HERC5: variants seen among roughly 807,000 people sequenced by gnomAD.
HERC5 encodes the protein E3 ISG15--protein ligase HERC5.
Under a neutral mutation model 119.6 loss-of-function variants are expected in HERC5, and 99 were observed. The observed-to-expected ratio is 0.83, with a 90% CI of 0.70 to 0.98. HERC5 has a LOEUF of 0.98. HERC5 is among the 50% of genes least tolerant of loss of function. The pLI, the probability that HERC5 is intolerant of heterozygous loss-of-function variation, is 0.00. For synonymous variants in HERC5, 478 were observed against 445.9 expected, an observed-to-expected ratio of 1.07 and a Z score of -0.91; for missense variants, 1,267 against 1,241.3, an observed-to-expected ratio of 1.02 and a Z score of -0.31.
At position 88,470,599 on chromosome 4, in the gene HERC5, T is replaced by C. The variant is rs913086898; in HGVS notation, c.1239-15T>C. 2.8e-6 allele frequency: 4 copies of C among 1,443,244 alleles called. No homozygotes were observed. Among genetic ancestry groups the C allele is most frequent in the Non-Finnish European group, 3.9e-6 (4 of 1,033,798 alleles). 89.4% of individuals were successfully genotyped at this position (1,443,244 alleles called of 1,614,324 possible). ...CATGTGATTTGGTTTAACCAGTGTC[T>C]TATTACTAATATAGGGAAATCCAAG... On this transcript the variant is annotated splice_polypyrimidine_tract_variant and intron_variant, in intron 9 of 22. Coordinates refer to ENST00000264350, the MANE Select transcript of HERC5 (RefSeq NM_016323.4).
intron 22 of HERC5, 74 bp downstream of exon 22, chr4:88,504,671 G>A: frequency 1.2e-6 from 1 of 844,406 alleles, no homozygotes; most frequent in East Asian, 2.8e-5. Flanking sequence ...TTTATGATAA[G>A]TACCATTTGC....
At chr4:88,503,106 CT>C (rs1269263624) in intron 20 of HERC5, among the ~76,000 whole-genome samples, 2 of 152,036 alleles carry the variant, frequency 1.3e-5, no homozygotes, top group African/African-American at 2.4e-5. Context: ...ATATATTCCC[CT>C]GTATTTTCTT....
At position 88,505,748 on chromosome 4, in the gene HERC5, G is replaced by A; in HGVS notation, c.2945G>A (p.Ser982Asn). ...AAAATAACATTTTGCTGTCCTGAAA[G>A]TTGGAATGAAAGAGACCCTATAAGA... ...NMKITFCCPESWNERDPIRAL... is the reference protein window; with the variant it reads ...NMKITFCCPENWNERDPIRAL... Residue 982 changes from serine to asparagine, a missense_variant, in exon 23 of 23, where the codon AGT (serine) becomes AAT (asparagine). Ser to Asn is a conservative substitution (Grantham distance 46, BLOSUM62 1). Coordinates refer to ENST00000264350, the MANE Select transcript of HERC5 (RefSeq NM_016323.4). 1 of 1,606,448 alleles carries A rather than the reference G, an allele frequency of 6.2e-7. No individual in the cohort carries two copies. Among genetic ancestry groups the A allele is most frequent in the Non-Finnish European group, 8.5e-7 (1 of 1,173,204 alleles).
chr4:88,478,159 T>C (rs1049047202), intron 12 of HERC5, among the ~76,000 whole-genome samples: 4 of 152,180 alleles, frequency 2.6e-5, no homozygotes, highest in African/African-American at 9.7e-5. Flanking sequence ...GTGGTACAAT[T>C]GTAGCTCACT....
At chr4:88,498,620 G>A (rs1228826932) in intron 18 of HERC5, among the ~76,000 whole-genome samples, 1 of 152,062 alleles carries the variant, frequency 6.6e-6, no homozygotes, top group Non-Finnish European at 1.5e-5. Flanking sequence ...GCCCAGGCTG[G>A]AGTGCAGTGG....
chr4:88,500,087 A>C, intron 19 of HERC5, 95 bp downstream of exon 19: 1 of 760,832 alleles, frequency 1.3e-6, no homozygotes, highest in East Asian at 2.5e-5. Context: ...TAAAAAAAAA[A>C]CCTGAATAAA....
rs1378243790 is a variant in HERC5 at position 88,494,086 on chromosome 4, CAA to C, written c.2278-77_2278-76del. On this transcript the variant is annotated intron_variant, in intron 17 of 22. Transcript: ENST00000264350. ...GAGATTTGATTTTATGAAAGAGAAA[CAA>C]AGATTTATTTAATATAAATATTTCA... is the stretch of plus-strand genomic sequence containing the variant. 1.0e-5 allele frequency: 9 copies of C among 860,230 alleles called. No individual in the cohort carries two copies. In the East Asian group the frequency reaches 1.2e-4, roughly 12 times the overall value. 53.3% of individuals were successfully genotyped at this position (860,230 alleles called of 1,614,324 possible). A position where few individuals can be genotyped will look rare whatever the true frequency, so the allele number is the denominator to read the frequency against.
At chr4:88,476,098 G>T in intron 12 of HERC5, 68 bp downstream of exon 12, 1 of 1,254,270 alleles carries the variant, frequency 8.0e-7, no homozygotes, top group South Asian at 1.4e-5. Flanking sequence ...GTAAAGTTAT[G>T]GCAAAACTAA....
chr4:88,473,981 T>C (rs1279787971), intron 11 of HERC5: 1 of 152,222 alleles, frequency 6.6e-6, no homozygotes, highest in Non-Finnish European at 1.5e-5. Context: ...TTTCTTTCTA[T>C]CTTGAGGTTC....
At chr4:88,459,502 AT>A in intron 2 of HERC5, 32 bp downstream of exon 2, 1 of 1,294,820 alleles carries the variant, frequency 7.7e-7, no homozygotes, top group Non-Finnish European at 1.1e-6. Flanking sequence ...TTAAAAATTA[AT>A]TTTAATCAAA....
Position 88,457,306 on chromosome 4 carries a change from G to T in HERC5, c.37G>T (p.Gly13Trp), listed in dbSNP as rs998877663. ...GTCGCGGAGGAAGTCGCGGCGCAACGGGCGCTCGACCGCGGGCAAGGCCGC... is the reference window on the plus strand; with the variant it reads ...GTCGCGGAGGAAGTCGCGGCGCAACTGGCGCTCGACCGCGGGCAAGGCCGC... ...RRSRRKSRRN[G>W]RSTAGKAAAT... Residue 13 changes from glycine (G) to tryptophan (W), a missense_variant, in exon 1 of 23, where the codon GGG becomes TGG. Physicochemically the swap from Gly to Trp is radical, Grantham distance 184. Transcript: ENST00000264350. 2 of 1,370,874 alleles carry T rather than the reference G, an allele frequency of 1.5e-6. No individual in the cohort carries two copies. Among genetic ancestry groups the T allele is most frequent in the Non-Finnish European group, 9.4e-7 (1 of 1,066,562 alleles). 84.9% of individuals were successfully genotyped at this position (1,370,874 alleles called of 1,614,324 possible).
At chr4:88,485,055 A>G (rs924387158) in intron 13 of HERC5, among the ~76,000 whole-genome samples, 3 of 151,966 alleles carry the variant, frequency 2.0e-5, no homozygotes, top group African/African-American at 7.2e-5. Flanking sequence ...TTTTTTTACA[A>G]AAGGGAAAGG....
At chr4:88,476,099 G>A in intron 12 of HERC5, 69 bp downstream of exon 12, 5 of 1,214,790 alleles carry the variant, frequency 4.1e-6, no homozygotes, top group Non-Finnish European at 1.2e-6. Flanking sequence ...TAAAGTTATG[G>A]CAAAACTAAG....
At chr4:88,463,802 C>T in intron 5 of HERC5, 53 bp from the exon 6 acceptor site, 1 of 1,595,076 alleles carries the variant, frequency 6.3e-7, no homozygotes, top group Non-Finnish European at 8.6e-7. Context: ...TCAGTGAATA[C>T]TACTTTTTTA....
chr4:88,460,877 C>A (rs928743088), intron 3 of HERC5, among the ~76,000 whole-genome samples: 2 of 152,072 alleles, frequency 1.3e-5, no homozygotes, highest in African/African-American at 2.4e-5. Flanking sequence ...GTAGTCCCAG[C>A]TACTTGGGAG....
chr4:88,467,339 C>A, intron 7 of HERC5, 135 bp downstream of exon 7: 1 of 816,766 alleles, frequency 1.2e-6, no homozygotes, highest in Non-Finnish European at 1.9e-6. Context: ...TCATTTTTTA[C>A]TGGTAAACAA....
intron 16 of HERC5, among the ~76,000 whole-genome samples, chr4:88,492,094 C>G (rs1297224954): frequency 1.3e-5 from 2 of 152,014 alleles, no homozygotes; most frequent in Admixed American, 1.3e-4. Flanking sequence ...ACCTTCATCT[C>G]CCGGGTTCAA....
intron 1 of HERC5, among the ~76,000 whole-genome samples, chr4:88,458,570 T>TTA (rs1220205904): frequency 1.3e-5 from 2 of 152,186 alleles, no homozygotes; most frequent in Admixed American, 6.5e-5. Flanking sequence ...AAAGAAACCG[T>TTA]TAGTCTGCTG....
At chr4:88,464,084 C>A in intron 6 of HERC5, 99 bp downstream of exon 6, 4 of 968,588 alleles carry the variant, frequency 4.1e-6, no homozygotes, top group Admixed American at 2.8e-5. Flanking sequence ...ATGTATCAAA[C>A]ATTTTCAAAT....
Sources: gnomAD v4.1 joint callset for allele counts (sites outside exome capture counted in the v4.1 genomes callset) on GRCh38, gnomAD v4.1.1 for gene constraint, MANE v1.5 for transcripts, NCBI Gene and HGNC (gene_info 2026-07-23, HGNC 2026-07-21) for gene names.